Variants in LSAMP observed in about 807,000 individuals in gnomAD.
LSAMP encodes limbic system-associated membrane protein.
Under a neutral mutation model 38.6 loss-of-function variants are expected in LSAMP, and 7 were observed. The ratio of observed to expected loss-of-function variants is 0.18; its 90% CI spans 0.10 to 0.34. The LOEUF is 0.34. LSAMP is among the 10% of genes least tolerant of loss of function. The pLI, the probability that LSAMP is intolerant of heterozygous loss-of-function variation, is 1.00. For synonymous variants in LSAMP, 154 were observed against 166.8 expected, an observed-to-expected ratio of 0.92 and a Z score of 0.59; for missense variants, 313 against 420.0, an observed-to-expected ratio of 0.75 and a Z score of 2.23.
intron 2 of LSAMP, among the ~76,000 whole-genome samples, chr3:116,038,913 C>CT (rs1230076902): frequency 2.6e-5 from 4 of 152,150 alleles, no homozygotes; most frequent in Non-Finnish European, 5.9e-5. Flanking sequence ...AAATACCAAC[C>CT]TTAAGGCAGC....
At chr3:116,219,471 T>C (rs967109211) in intron 1 of LSAMP, among the ~76,000 whole-genome samples, 1 of 152,232 alleles carries the variant, frequency 6.6e-6, no homozygotes, top group Non-Finnish European at 1.5e-5. Context: ...GATACATACC[T>C]ATAATTCAAT....
chr3:116,060,986 G>C (rs755617243), intron 2 of LSAMP, among the ~76,000 whole-genome samples: 3 of 151,760 alleles, frequency 2.0e-5, no homozygotes, highest in Non-Finnish European at 2.9e-5. Flanking sequence ...CTTTCTAGTA[G>C]ACAGAAATCT....
chr3:116,290,877 G>A (rs1408113803), intron 1 of LSAMP, among the ~76,000 whole-genome samples: 1 of 151,886 alleles, frequency 6.6e-6, no homozygotes, highest in Non-Finnish European at 1.5e-5. Flanking sequence ...TAATGGTTAA[G>A]ACAAGCCAAT....
intron 1 of LSAMP, among the ~76,000 whole-genome samples, chr3:116,294,223 A>T (rs893623217): frequency 6.6e-6 from 1 of 152,150 alleles, no homozygotes; most frequent in East Asian, 1.9e-4. Context: ...CACTCAGTGG[A>T]TTATTCACAT....
At chr3:116,379,611 A>C (rs1273583443) in intron 1 of LSAMP, among the ~76,000 whole-genome samples, 2 of 152,042 alleles carry the variant, frequency 1.3e-5, no homozygotes, top group African/African-American at 4.8e-5. Flanking sequence ...GGCAGTTGGA[A>C]TAGAAATAAC....
chr3:115,812,544 C>A (rs1018819552), intron 6 of LSAMP, among the ~76,000 whole-genome samples: 1 of 152,084 alleles, frequency 6.6e-6, no homozygotes, highest in Admixed American at 6.6e-5. Context: ...TCCCCCAGGG[C>A]TTTTGGGCTG....
chr3:115,817,450 ATATT>A (rs59930717), intron 6 of LSAMP, among the ~76,000 whole-genome samples: 12,089 of 152,206 alleles, frequency 0.079, 571 homozygotes, highest in African/African-American at 0.13. Flanking sequence ...TATTCAATAA[ATATT>A]TGTTTAATTT....
intron 3 of LSAMP, among the ~76,000 whole-genome samples, chr3:115,863,225 G>T (rs552586562): frequency 3.3e-5 from 5 of 152,276 alleles, no homozygotes; most frequent in Admixed American, 6.5e-5. Context: ...AGAAGAAAAG[G>T]CCACCTCAGA....
At chr3:116,132,770 G>T (rs983253053) in intron 1 of LSAMP, among the ~76,000 whole-genome samples, 2 of 151,962 alleles carry the variant, frequency 1.3e-5, no homozygotes, top group Non-Finnish European at 2.9e-5. Context: ...TAGTAATTAT[G>T]TCTTGGCTTG....
intron 1 of LSAMP, among the ~76,000 whole-genome samples, chr3:116,167,012 T>G (rs28705767): frequency 2.6e-5 from 4 of 151,896 alleles, no homozygotes; most frequent in Non-Finnish European, 4.4e-5. Context: ...AGGATGGTCT[T>G]GATCTCCTGA....
intron 1 of LSAMP, among the ~76,000 whole-genome samples, chr3:116,120,770 GT>G: frequency 6.6e-6 from 1 of 152,280 alleles, no homozygotes; most frequent in South Asian, 2.1e-4. Context: ...TACATGCAAA[GT>G]TTGTGTTTGG....
Position 115,878,071 on chromosome 3 carries a change from A to G in LSAMP, c.515-25454T>C, listed in dbSNP as rs79041183. Among the ~76,000 whole-genome samples, 559 of 152,260 alleles carry G rather than the reference A, an allele frequency of 3.7e-3. 3 individuals carry two copies. The highest frequency in any genetic ancestry group is 0.013 in the African/African-American group (538 of 41,560). ...CGCGGAGACACGATTGTTCTGCAGT[A>G]TATGTGAAGTGTGGGAGTACCAATG... On this transcript the variant is annotated intron_variant, in intron 3 of 6. Coordinates refer to ENST00000490035, the MANE Select transcript of LSAMP (RefSeq NM_002338.5).
chr3:116,072,438 G>A (rs1249742583), intron 2 of LSAMP, among the ~76,000 whole-genome samples: 5 of 152,038 alleles, frequency 3.3e-5, no homozygotes, highest in African/African-American at 9.7e-5. Context: ...TTGCTGGGTC[G>A]AATGATATTT....
chr3:116,218,189 T>C (rs897409764), intron 1 of LSAMP, among the ~76,000 whole-genome samples: 3 of 152,002 alleles, frequency 2.0e-5, no homozygotes, highest in Non-Finnish European at 2.9e-5. Context: ...GTAAGGCCCA[T>C]TAGATATTTG....
intron 1 of LSAMP, among the ~76,000 whole-genome samples, chr3:116,319,982 T>A (rs1313161803): frequency 1.3e-5 from 2 of 152,152 alleles, no homozygotes; most frequent in Non-Finnish European, 2.9e-5. Context: ...TTTCCAAACA[T>A]TTGCATATGT....
chr3:116,019,608 C>T lies in LSAMP; in HGVS notation c.421G>A (p.Val141Ile). The change falls in exon 3 of 7, where the codon GTC (valine) becomes ATC (isoleucine). Residue 141 changes from valine to isoleucine, a missense_variant. Physicochemically the swap from Val to Ile is conservative, Grantham distance 29 (BLOSUM62 3). Coordinates refer to ENST00000490035, the MANE Select transcript of LSAMP (RefSeq NM_002338.5). ...PPKISNISSD[V>I]TVNEGSNVTL... ...ACGTTGCTGCCCTCATTCACAGTGA[C>T]ATCCGAGGAGATATTGGAGATCTTT... 1.9e-6 allele frequency: 3 copies of T among 1,612,858 alleles called. No individual in the cohort carries two copies. Among genetic ancestry groups the T allele is most frequent in the Non-Finnish European group, 2.5e-6 (3 of 1,179,052 alleles).
At chr3:115,889,367 C>T (rs1437505762) in intron 3 of LSAMP, among the ~76,000 whole-genome samples, 1 of 151,832 alleles carries the variant, frequency 6.6e-6, no homozygotes, top group Admixed American at 6.6e-5. Context: ...GGTGTGTTTG[C>T]CTGTGTGTGT....
chr3:115,934,138 T>G (rs1252951762), intron 3 of LSAMP, among the ~76,000 whole-genome samples: 1 of 151,920 alleles, frequency 6.6e-6, no homozygotes, highest in Admixed American at 6.6e-5. Context: ...CTCAAATGTA[T>G]AGTTGATGTG....
intron 1 of LSAMP, among the ~76,000 whole-genome samples, chr3:116,430,776 T>G (rs2049270346): frequency 6.6e-6 from 1 of 152,044 alleles, no homozygotes; most frequent in Non-Finnish European, 1.5e-5. Context: ...AGGGGGATAC[T>G]TAGAGCTAGG....
Sources: gnomAD v4.1 joint callset for allele counts (sites outside exome capture counted in the v4.1 genomes callset) on GRCh38, gnomAD v4.1.1 for gene constraint, MANE v1.5 for transcripts, NCBI Gene and HGNC (gene_info 2026-07-23, HGNC 2026-07-21) for gene names.